TTC7B: variants seen among roughly 807,000 people sequenced by gnomAD.
TTC7B encodes tetratricopeptide repeat protein 7B.
TTC7B carries 28 observed loss-of-function variants against 106.8 expected under a neutral mutation model. The ratio of observed to expected loss-of-function variants is 0.26; its 90% CI spans 0.19 to 0.36. The LOEUF is 0.36. TTC7B is among the 10% of genes least tolerant of loss of function. The pLI, the probability that TTC7B is intolerant of heterozygous loss-of-function variation, is 1.00. For synonymous variants in TTC7B, 405 were observed against 430.6 expected (o/e 0.94, Z 0.74); for missense variants, 862 against 1,076.4 (o/e 0.80, Z 2.79).
Position 90,652,947 on chromosome 14 carries a change from T to C in TTC7B, c.1460-49A>G, listed in dbSNP as rs1343741158. The C allele has an allele frequency of 3.8e-6, 6 of 1,595,798 alleles. No homozygotes were observed. The Admixed American group carries it at 5.0e-5, about 13-fold the overall frequency. On this transcript the variant is annotated intron_variant, in intron 12 of 19. Transcript: ENST00000328459. Reference sequence around the variant, plus strand: ...AGTGGCATGGGGGATCAGGGAATTTTGACAAATACAAAACCCATCACAAAA... The same window carrying C: ...AGTGGCATGGGGGATCAGGGAATTTCGACAAATACAAAACCCATCACAAAA...
chr14:90,637,290 T>C (rs1449970887), intron 15 of TTC7B, among the ~76,000 whole-genome samples: 1 of 151,988 alleles, frequency 6.6e-6, no homozygotes, highest in Non-Finnish European at 1.5e-5. Context: ...TCCTTACATA[T>C]AATATAATTA....
At position 90,759,533 on chromosome 14, in the gene TTC7B, C is replaced by T. The variant is rs1248961766; in HGVS notation, c.446-14611G>A. Among the ~76,000 whole-genome samples the T allele has an allele frequency of 6.6e-6, 1 of 152,166 alleles. No individual in the cohort carries two copies. The highest frequency in any genetic ancestry group is 2.4e-5 in the African/African-American group (1 of 41,428). On this transcript the variant is annotated intron_variant, in intron 3 of 19. Coordinates refer to ENST00000328459, the MANE Select transcript of TTC7B (RefSeq NM_001010854.2). This position sits in a 1 kb window ranked among gnomAD's most constrained non-coding sequence, Gnocchi z 4.1. ...CCACCACACATTGCAGAGGCGAAAA[C>T]TGCATTAAGGAGGCCCAGAGAGTCA...
chr14:90,699,847 T>TG (rs1887916911), intron 5 of TTC7B, among the ~76,000 whole-genome samples: 1 of 152,232 alleles, frequency 6.6e-6, no homozygotes, highest in Non-Finnish European at 1.5e-5. Context: ...ACACCGTCCC[T>TG]GCCTCAGGGA....
chr14:90,703,255 A>G (rs1423591905), intron 5 of TTC7B, among the ~76,000 whole-genome samples: 1 of 152,230 alleles, frequency 6.6e-6, no homozygotes, highest in Non-Finnish European at 1.5e-5. Context: ...AAAAAAGACA[A>G]TCTGGAAGGT....
intron 9 of TTC7B, among the ~76,000 whole-genome samples, chr14:90,659,252 G>A (rs1886087056): frequency 6.8e-6 from 1 of 146,728 alleles, no homozygotes; most frequent in African/African-American, 2.6e-5. Context: ...AGTGTGTGGA[G>A]TGTGTGTGTG....
chr14:90,675,395 G>A (rs142235738), intron 9 of TTC7B, among the ~76,000 whole-genome samples: 1 of 152,244 alleles, frequency 6.6e-6, no homozygotes, highest in East Asian at 1.9e-4. Context: ...GAGAAGGGGG[G>A]TCCAGGAAAT....
chr14:90,656,654 G>A (rs1885958798), intron 11 of TTC7B, among the ~76,000 whole-genome samples: 1 of 152,116 alleles, frequency 6.6e-6, no homozygotes, highest in Non-Finnish European at 1.5e-5. Context: ...TTAGCCGGGT[G>A]CAGTGGAGCA....
intron 19 of TTC7B, among the ~76,000 whole-genome samples, chr14:90,564,405 G>A (rs1566772287): frequency 6.6e-6 from 1 of 152,172 alleles, no homozygotes; most frequent in Admixed American, 6.5e-5. Context: ...CACAGGCAGA[G>A]TCAATTTCGC....
At chr14:90,798,286 G>A (rs543490651) in intron 1 of TTC7B, among the ~76,000 whole-genome samples, 6 of 152,282 alleles carry the variant, frequency 3.9e-5, no homozygotes, top group African/African-American at 1.4e-4. Flanking sequence ...GGATGAGCGA[G>A]CCCTGGCAAG....
chr14:90,732,536 CT>C (rs1440898037), intron 4 of TTC7B, among the ~76,000 whole-genome samples: 1 of 152,210 alleles, frequency 6.6e-6, no homozygotes, highest in Non-Finnish European at 1.5e-5. Context: ...TGCCACCATA[CT>C]CGGCTAATTC....
At chr14:90,612,641 GT>G (rs1383012911) in intron 16 of TTC7B, among the ~76,000 whole-genome samples, 1 of 152,168 alleles carries the variant, frequency 6.6e-6, no homozygotes, top group Non-Finnish European at 1.5e-5. Flanking sequence ...AGCTTTCCCT[GT>G]GCCTCACTGA....
chr14:90,648,195 C>A (rs866172748), intron 13 of TTC7B, among the ~76,000 whole-genome samples: 20 of 152,224 alleles, frequency 1.3e-4, no homozygotes, highest in Non-Finnish European at 1.3e-4. Flanking sequence ...TAATCTCTGT[C>A]CTTATATTAA....
chr14:90,712,391 C>T (rs779330785), intron 5 of TTC7B, among the ~76,000 whole-genome samples: 1 of 152,040 alleles, frequency 6.6e-6, no homozygotes, highest in Non-Finnish European at 1.5e-5. Flanking sequence ...ATGTAAAAAT[C>T]CTAAGCAATC....
At chr14:90,701,285 G>T (rs1423667902) in intron 5 of TTC7B, among the ~76,000 whole-genome samples, 1 of 152,148 alleles carries the variant, frequency 6.6e-6, no homozygotes, top group African/African-American at 2.4e-5. Flanking sequence ...AGGCTTCCTC[G>T]TGACAAAAGC....
intron 4 of TTC7B, among the ~76,000 whole-genome samples, chr14:90,740,662 T>G (rs1889725947): frequency 6.6e-6 from 1 of 151,990 alleles, no homozygotes; most frequent in South Asian, 2.1e-4. Context: ...CCACCATGCC[T>G]GGCTAATTTT....
intron 8 of TTC7B, chr14:90,677,752 G>A (rs1042737525): frequency 4.3e-5 from 19 of 445,824 alleles, no homozygotes; most frequent in Non-Finnish European, 8.1e-5. Flanking sequence ...TCTCACTAAT[G>A]AGACAAAATG....
At position 90,578,222 on chromosome 14, in the gene TTC7B, C is replaced by T. The variant is rs1457905480; in HGVS notation, c.2194G>A (p.Val732Ile). 2.5e-6 allele frequency: 4 copies of T among 1,614,110 alleles called. No individual in the cohort carries two copies. The highest frequency in any genetic ancestry group is 3.4e-6 in the Non-Finnish European group (4 of 1,180,060). Residue 732 changes from valine to isoleucine, a missense_variant, in exon 19 of 20, where the codon GTC (valine) becomes ATC (isoleucine). Coordinates refer to ENST00000328459, the MANE Select transcript of TTC7B (RefSeq NM_001010854.2). The surrounding 1 kb of genome is among the most constrained non-coding windows in gnomAD (Gnocchi z 4.7). ...GCAATCTGGCCGCGCATGTAGAGGA[C>T]ATTGTGGGACATTGGGAAGAGGTTG... is the stretch of plus-strand genomic sequence containing the variant. ...AANLFPMSHN[V>I]LYMRGQIAEL...
chr14:90,543,369 A>G (rs1889685709), intron 19 of TTC7B, among the ~76,000 whole-genome samples: 1 of 152,098 alleles, frequency 6.6e-6, no homozygotes, highest in Non-Finnish European at 1.5e-5. Context: ...CTAGACACAA[A>G]CTAGCTCATC....
At chr14:90,728,967 C>T (rs1259612424) in intron 5 of TTC7B, among the ~76,000 whole-genome samples, 3 of 152,216 alleles carry the variant, frequency 2.0e-5, no homozygotes, top group African/African-American at 2.4e-5. Context: ...GCTTAGGGGA[C>T]GTGCACCGTT....
Sources: gnomAD v4.1 joint callset for allele counts (sites outside exome capture counted in the v4.1 genomes callset) on GRCh38, gnomAD v4.1.1 for gene constraint, Gnocchi (gnomAD v3.1) non-coding constraint, MANE v1.5 for transcripts, NCBI Gene and HGNC (gene_info 2026-07-23, HGNC 2026-07-21) for gene names.